Variants in HOXA5 observed in about 807,000 individuals in gnomAD.
HOXA5 encodes the protein homeobox A5, also known as homeobox protein Hox-A5.
Under a neutral mutation model 20.0 loss-of-function variants are expected in HOXA5, and 12 were observed. The ratio of observed to expected loss-of-function variants is 0.60; its 90% CI spans 0.38 to 0.97. HOXA5 has a LOEUF of 0.97. Ranked by LOEUF, HOXA5 falls within the 50% of genes least tolerant of loss-of-function variation. The probability of loss-of-function intolerance (pLI) is 0.00; values close to 1 mark genes in which losing one functional copy is unlikely to be tolerated. For synonymous variants in HOXA5, 159 were observed against 157.7 expected (o/e 1.01, Z -0.06); for missense variants, 352 against 380.3 (o/e 0.93, Z 0.62).
rs200819149 is a variant in HOXA5, at chr7:27,143,414, C to T, written c.194G>A (p.Gly65Asp). 9.3e-6 allele frequency: 15 copies of T among 1,611,554 alleles called. No homozygotes were observed. The highest frequency in any genetic ancestry group is 1.2e-5 in the Non-Finnish European group (14 of 1,179,502). Residue 65 changes from glycine (G) to aspartate (D), a missense_variant, in exon 1 of 2, where the codon GGC becomes GAC. Gly to Asp is a moderately conservative substitution (Grantham distance 94). This residue lies in a region of HOXA5 where 319 missense variants were observed against 336.5 expected (regional missense o/e 0.95). Transcript: ENST00000222726. Reference sequence around the variant, plus strand: ...GTAGCTGCGGGCGCGCTCTCCGGAGCCAAAGTGGCCGGAGCCCGAGCGGCC... The same window carrying T: ...GTAGCTGCGGGCGCGCTCTCCGGAGTCAAAGTGGCCGGAGCCCGAGCGGCC... ...SVGRSGSGHF[G>D]SGERARSYAA...
chr7:27,141,876 T>G lies in HOXA5; in HGVS notation c.772A>C (p.Ser258Arg). The G allele has an allele frequency of 6.2e-7, 1 of 1,614,232 alleles. No homozygotes were observed. ...MKWKKDNKLK[S>R]MSMAAAGGAF... ...CCTCCTGCCGCGGCCATGCTCATGC[T>G]TTTCAGCTTATTATCTTTTTTCCAC... The change falls in exon 2 of 2, where the codon AGC becomes CGC. Residue 258 changes from serine (S) to arginine (R), a missense_variant. Around this residue, in one of 3 missense-constraint regions of HOXA5, gnomAD observed 30 missense variants for 26.0 expected, o/e 1.15. Transcript: ENST00000222726.
At chr7:27,143,000 G>A (rs1196945283) in intron 1 of HOXA5, 46 bp downstream of exon 1, 7 of 1,459,216 alleles carry the variant, frequency 4.8e-6, no homozygotes, top group Non-Finnish European at 5.5e-6. Context: ...GGGACCGAGA[G>A]CCGCGTCCCC....
At chr7:27,142,866 A>C in intron 1 of HOXA5, 180 bp downstream of exon 1, 23 of 576,154 alleles carry the variant, frequency 4.0e-5, no homozygotes, top group African/African-American at 3.9e-5. Flanking sequence ...TTGTGAGCGC[A>C]GGGTGCTCGC....
Position 27,141,303 on chromosome 7 carries a change from TCA to T in HOXA5, c.*530_*531del, listed in dbSNP as rs1034169653. The T allele has an allele frequency of 5.2e-5, 8 of 153,962 alleles. No homozygotes were observed. Among genetic ancestry groups the T allele is most frequent in the African/African-American group, 1.7e-4 (7 of 41,572 alleles). The allele number at this position is 153,962 out of a possible 1,614,324, so 9.5% of individuals were successfully genotyped here. ...ACACCGCTTGGAGTCACAGTTTTCA[TCA>T]CAGAGTCACTAGTCACTACACGTCG... is the stretch of plus-strand genomic sequence containing the variant. On this transcript the variant is annotated 3_prime_UTR_variant, in exon 2 of 2. Transcript: ENST00000222726.
In HOXA5 at chr7:27,143,673, A is replaced by T. The variant is rs1316967433; in HGVS notation, c.-66T>A. On this transcript the variant is annotated 5_prime_UTR_variant, in exon 1 of 2. Coordinates refer to ENST00000222726, the MANE Select transcript of HOXA5 (RefSeq NM_019102.4). ...GTTTGTGCGTCTATAGCACCCTTGC[A>T]CAATTTATGATGAATTATGGAAATG... 6.6e-7 allele frequency: 1 copy of T among 1,519,542 alleles called. No individual in the cohort carries two copies. Among genetic ancestry groups the T allele is most frequent in the Non-Finnish European group, 8.8e-7 (1 of 1,132,770 alleles). 94.1% of individuals were successfully genotyped at this position (1,519,542 alleles called of 1,614,324 possible). A position where few individuals can be genotyped will look rare whatever the true frequency, so the allele number is the denominator to read the frequency against.
rs768855343 is a variant in HOXA5, at chr7:27,141,654, C to T, written c.*181G>A. On this transcript the variant is annotated 3_prime_UTR_variant, in exon 2 of 2. Transcript: ENST00000222726. ...TCAGGACAAAGAGATGAACAGAAAG[C>T]AGATCTACTTATACAGGCGCTATAA... 6.2e-6 allele frequency: 4 copies of T among 645,864 alleles called. No homozygotes were observed. The highest frequency in any genetic ancestry group is 1.0e-5 in the Non-Finnish European group (4 of 396,006). The allele number at this position is 645,864 out of a possible 1,614,324, so 40.0% of individuals were successfully genotyped here.
At position 27,143,136 on chromosome 7, in the gene HOXA5, C is replaced by T. The variant is rs1583407519; in HGVS notation, c.472G>A (p.Glu158Lys). ...GAEEDAPASSEQASAQSEPSP... is the reference protein window; with the variant it reads ...GAEEDAPASSKQASAQSEPSP... ...GGCTCGCTCTGCGCACTCGCCTGCT[C>T]GCTGCTGGCAGGGGCGTCCTCCTCG... Residue 158 changes from glutamate (E) to lysine (K), a missense_variant, in exon 1 of 2, where the codon GAG becomes AAG. By Grantham distance (56) the Glu-to-Lys change is moderately conservative (BLOSUM62 1). This residue lies in a region of HOXA5 where 319 missense variants were observed against 336.5 expected (regional missense o/e 0.95). Coordinates refer to ENST00000222726, the MANE Select transcript of HOXA5 (RefSeq NM_019102.4). The T allele has an allele frequency of 6.2e-7, 1 of 1,608,066 alleles. No homozygotes were observed. Among genetic ancestry groups the T allele is most frequent in the Non-Finnish European group, 8.5e-7 (1 of 1,178,152 alleles).
In HOXA5 at chr7:27,143,660, A is replaced by T; in HGVS notation, c.-53T>A. On this transcript the variant is annotated 5_prime_UTR_variant, in exon 1 of 2. Coordinates refer to ENST00000222726, the MANE Select transcript of HOXA5 (RefSeq NM_019102.4). ...GTGGCTCGCGGTCGTTTGTGCGTCT[A>T]TAGCACCCTTGCACAATTTATGATG... is the stretch of plus-strand genomic sequence containing the variant. 6.5e-7 allele frequency: 1 copy of T among 1,544,002 alleles called. No homozygotes were observed. Among genetic ancestry groups the T allele is most frequent in the Non-Finnish European group, 8.7e-7 (1 of 1,143,956 alleles).
chr7:27,142,484 C>T (rs1782604393), intron 1 of HOXA5, among the ~76,000 whole-genome samples: 2 of 152,216 alleles, frequency 1.3e-5, no homozygotes, highest in African/African-American at 4.8e-5. Flanking sequence ...AAGTTCCAGC[C>T]CCGAGAGCCG....
Position 27,143,398 on chromosome 7 carries a change from G to A in HOXA5, c.210C>T (p.Ala70=). Residue 70 remains alanine (A), a synonymous_variant, in exon 1 of 2, where the codon GCC becomes GCT. Transcript: ENST00000222726. ...GSGHFGSGER[A]RSYAASASAA... is the part of the protein sequence containing the mutation. ...CGCTGGCGCTGGCAGCGTAGCTGCG[G>A]GCGCGCTCTCCGGAGCCAAAGTGGC... is the stretch of plus-strand genomic sequence containing the variant. 7 of 1,607,728 alleles carry A rather than the reference G, an allele frequency of 4.4e-6. No homozygotes were observed. The African/African-American group carries it at 6.7e-5, about 15-fold the overall frequency.
In HOXA5 at chr7:27,141,738, T is replaced by C; in HGVS notation, c.*97A>G. ...TTAGGGCAACGAGAACAGGGCTTCT[T>C]CACAGAAGGAACACAAGGGAGTTTC... On this transcript the variant is annotated 3_prime_UTR_variant, in exon 2 of 2. Coordinates refer to ENST00000222726, the MANE Select transcript of HOXA5 (RefSeq NM_019102.4). 3 of 1,464,430 alleles carry C rather than the reference T, an allele frequency of 2.0e-6. No individual in the cohort carries two copies. Among genetic ancestry groups the C allele is most frequent in the Non-Finnish European group, 2.8e-6 (3 of 1,080,538 alleles). 90.7% of individuals were successfully genotyped at this position (1,464,430 alleles called of 1,614,324 possible).
rs1011381505 is a variant in HOXA5 at position 27,141,527 on chromosome 7, T to TG, written c.*307_*308insC. On this transcript the variant is annotated 3_prime_UTR_variant, in exon 2 of 2. Coordinates refer to ENST00000222726, the MANE Select transcript of HOXA5 (RefSeq NM_019102.4). ...AGATTGAAGGGGGACTTTTTGTGTG[T>TG]TTTTTTTTCTCTTTTCTTTTTTTGT... 33 of 119,402 alleles carry TG rather than the reference T, an allele frequency of 2.8e-4. 2 individuals are homozygous for TG. The highest frequency in any genetic ancestry group is 1.8e-3 in the South Asian group (17 of 9,516). The allele number at this position is 119,402 out of a possible 1,614,324, so 7.4% of individuals were successfully genotyped here.
At position 27,141,543 on chromosome 7, in the gene HOXA5, C is replaced by A; in HGVS notation, c.*292G>T. The A allele has an allele frequency of 8.3e-6, 2 of 242,118 alleles. No homozygotes were observed. Among genetic ancestry groups the A allele is most frequent in the Non-Finnish European group, 1.6e-5 (2 of 125,810 alleles). The allele number at this position is 242,118 out of a possible 1,614,324, so 15.0% of individuals were successfully genotyped here. On this transcript the variant is annotated 3_prime_UTR_variant, in exon 2 of 2. Transcript: ENST00000222726. ...TTTTGTGTGTTTTTTTTTCTCTTTT[C>A]TTTTTTTGTTATAGTTACTTCAAGT...
Position 27,141,774 on chromosome 7 carries a change from C to A in HOXA5, c.*61G>T. ...ACACAAGGGAGTTTCAGAAAGTCAC[C>A]TTAGTACTGACACTACGCGGGATCC... On this transcript the variant is annotated 3_prime_UTR_variant, in exon 2 of 2. Transcript: ENST00000222726. 1.3e-6 allele frequency: 2 copies of A among 1,576,862 alleles called. No homozygotes were observed. The highest frequency in any genetic ancestry group is 1.7e-6 in the Non-Finnish European group (2 of 1,159,784).
chr7:27,141,333 C>A lies in HOXA5; in HGVS notation c.*502G>T. On this transcript the variant is annotated 3_prime_UTR_variant, in exon 2 of 2. Coordinates refer to ENST00000222726, the MANE Select transcript of HOXA5 (RefSeq NM_019102.4). Reference sequence around the variant, plus strand: ...GAGTCACTAGTCACTACACGTCGAACAAGTTGTGTCTCATCAAGTCACCTC... The same window carrying A: ...GAGTCACTAGTCACTACACGTCGAAAAAGTTGTGTCTCATCAAGTCACCTC... 1 of 155,092 alleles carries A rather than the reference C, an allele frequency of 6.4e-6. No homozygotes were observed. Among genetic ancestry groups the A allele is most frequent in the Non-Finnish European group, 1.4e-5 (1 of 69,686 alleles). The allele number at this position is 155,092 out of a possible 1,614,324, so 9.6% of individuals were successfully genotyped here. A position where few individuals can be genotyped will look rare whatever the true frequency, so the allele number is the denominator to read the frequency against.
intron 1 of HOXA5, 105 bp from the exon 2 acceptor site, chr7:27,142,190 C>A: frequency 1.6e-6 from 2 of 1,266,160 alleles, no homozygotes; most frequent in Admixed American, 2.5e-5. Flanking sequence ...AAAAGCTCAA[C>A]AAGTTCTGCC....
Position 27,141,703 on chromosome 7 carries a change from A to T in HOXA5, c.*132T>A. On this transcript the variant is annotated 3_prime_UTR_variant, in exon 2 of 2. Coordinates refer to ENST00000222726, the MANE Select transcript of HOXA5 (RefSeq NM_019102.4). ...AATGGCAATAAACAGGCTCATGATT[A>T]AAAGATGAATTAGGGCAACGAGAAC... The T allele has an allele frequency of 8.7e-7, 1 of 1,144,264 alleles. No homozygotes were observed. The highest frequency in any genetic ancestry group is 1.2e-6 in the Non-Finnish European group (1 of 803,778). 70.9% of individuals were successfully genotyped at this position (1,144,264 alleles called of 1,614,324 possible).
Position 27,141,113 on chromosome 7 carries a change from C to CAA in HOXA5, c.*720_*721dup, listed in dbSNP as rs147485948. On this transcript the variant is annotated 3_prime_UTR_variant, in exon 2 of 2. Transcript: ENST00000222726. ...AGTATTTTTTCCTTAAAAACAAATA[C>CAA]AAAAAAAAAAAAAAAAAAAAAAAAG... 168 of 82,880 alleles carry CAA rather than the reference C, an allele frequency of 2.0e-3. No individual in the cohort carries two copies. Among genetic ancestry groups the CAA allele is most frequent in the South Asian group, 0.013 (24 of 1,780 alleles). 5.1% of individuals were successfully genotyped at this position (82,880 alleles called of 1,614,324 possible).
In HOXA5 at chr7:27,143,064, T is replaced by C; in HGVS notation, c.544A>G (p.Lys182Glu). The stretch of plus-strand genomic sequence containing the variant: ...GCTTTACCATGACTTATGTGCAGCT[T>C]GCGCATCCAGGGGTAGATCTGGGGT... ...AQPQIYPWMR[K>E]LHISHDNIGG... The change falls in exon 1 of 2, where the codon AAG (lysine) becomes GAG (glutamate). Residue 182 changes from lysine (K) to glutamate (E), a missense_variant. Lys to Glu is a moderately conservative substitution (Grantham distance 56, BLOSUM62 1). This residue lies in a region of HOXA5 where 319 missense variants were observed against 336.5 expected (regional missense o/e 0.95). Transcript: ENST00000222726. 6.5e-7 allele frequency: 1 copy of C among 1,532,238 alleles called. No individual in the cohort carries two copies. The highest frequency in any genetic ancestry group is 8.7e-7 in the Non-Finnish European group (1 of 1,145,916). 94.9% of individuals were successfully genotyped at this position (1,532,238 alleles called of 1,614,324 possible).
Sources: allele counts gnomAD v4.1 joint callset (sites outside exome capture counted in the v4.1 genomes callset), GRCh38; gene constraint gnomAD v4.1.1; regional missense constraint gnomAD v4.1.1; transcripts MANE v1.5; gene names NCBI Gene and HGNC (gene_info 2026-07-23, HGNC 2026-07-21).